Variants in DIABLO observed in about 807,000 individuals in gnomAD.
DIABLO encodes the protein diablo homolog, mitochondrial.
A neutral mutation model predicts 31.7 loss-of-function variants in DIABLO; 32 were observed. The observed-to-expected ratio is 1.01, with a 90% CI of 0.76 to 1.35. The LOEUF is 1.35. Among genes scored for constraint, DIABLO ranks in the 40% most tolerant of loss-of-function variants. The probability of loss-of-function intolerance (pLI) is 0.00; values close to 1 mark genes in which losing one functional copy is unlikely to be tolerated. For synonymous variants in DIABLO, 132 were observed against 103.2 expected (o/e 1.28, Z -1.69); for missense variants, 316 against 286.4 (o/e 1.10, Z -0.75).
chr12:122,218,529 G>T (rs557085112), intron 2 of DIABLO, 132 bp from the exon 3 acceptor site: 3 of 1,220,706 alleles, frequency 2.5e-6, no homozygotes, highest in Non-Finnish European at 3.5e-6. Flanking sequence ...ATTTCTTTGG[G>T]TTATATTTTT....
In DIABLO at chr12:122,218,145, A is replaced by G; in HGVS notation, c.315+121T>C. The G allele has an allele frequency of 2.4e-6, 3 of 1,242,380 alleles. No homozygotes were observed. The South Asian group carries it at 3.8e-5, about 16-fold the overall frequency. The allele number at this position is 1,242,380 out of a possible 1,614,324, so 77.0% of individuals were successfully genotyped here. A position where few individuals can be genotyped will look rare whatever the true frequency, so the allele number is the denominator to read the frequency against. On this transcript the variant is annotated intron_variant, in intron 3 of 5. Transcript: ENST00000464942. ...TCAAAAACCGTTATTGACAACACATAAACAAATAGGCCTGGCTATGTTTCA... is the reference window on the plus strand; with the variant it reads ...TCAAAAACCGTTATTGACAACACATGAACAAATAGGCCTGGCTATGTTTCA...
Position 122,218,285 on chromosome 12 carries a change from G to C in DIABLO, c.296C>G (p.Ala99Gly), listed in dbSNP as rs757142709. The C allele has an allele frequency of 6.2e-7, 1 of 1,614,074 alleles. No individual in the cohort carries two copies. Among genetic ancestry groups the C allele is most frequent in the South Asian group, 1.1e-5 (1 of 91,082 alleles). ...LSQTTYALIE[A>G]ITEYTKAVYT... ...ACATACCTTAGTATATTCAGTAATA[G>C]CTTCAATCAACGCATATGTGGTCTG... The change falls in exon 3 of 6, where the codon GCT (alanine) becomes GGT (glycine). Residue 99 changes from alanine to glycine, a missense_variant. By Grantham distance (60) the Ala-to-Gly change is moderately conservative. Transcript: ENST00000464942.
At chr12:122,217,638 T>C in intron 3 of DIABLO, 1 of 155,280 alleles carries the variant, frequency 6.4e-6, no homozygotes, top group Non-Finnish European at 1.4e-5. Flanking sequence ...CCTCAGCCCC[T>C]GGAGTAACTG....
chr12:122,224,722 A>T lies in DIABLO; in HGVS notation c.51-78T>A, dbSNP rs554381914. The T allele has an allele frequency of 6.1e-5, 98 of 1,612,908 alleles. 1 individual carries two copies. Among genetic ancestry groups the T allele is most frequent in the Non-Finnish European group, 7.2e-5 (85 of 1,179,578 alleles). ...TCTTGGATTTACTTGCAGGGGCTGT[A>T]AACTCAAACTCGAGCCAAGCAGGAA... On this transcript the variant is annotated intron_variant, in intron 1 of 5. Transcript: ENST00000464942.
upstream of DIABLO, chr12:122,226,232 G>C: frequency 1.3e-6 from 1 of 779,898 alleles, no homozygotes; most frequent in Non-Finnish European, 2.2e-6. Context: ...CTTCCGCGCG[G>C]GGCGGGGCAT....
At chr12:122,225,691 C>G in intron 1 of DIABLO, 1 of 1,398,326 alleles carries the variant, frequency 7.2e-7, no homozygotes, top group Non-Finnish European at 9.3e-7. Context: ...CTGACGAGGG[C>G]TGGTCAGGAG....
chr12:122,226,457 C>A, upstream of DIABLO: 1 of 695,896 alleles, frequency 1.4e-6, no homozygotes. Context: ...AGTAAGTGGT[C>A]CAGCCGGCCA....
At chr12:122,218,784 A>C in intron 2 of DIABLO, 1 of 294,220 alleles carries the variant, frequency 3.4e-6, no homozygotes, top group Non-Finnish European at 6.6e-6. Flanking sequence ...TACTAAAAAA[A>C]TACAAAAATT....
intron 5 of DIABLO, among the ~76,000 whole-genome samples, chr12:122,213,673 C>G (rs1954139445): frequency 6.6e-6 from 1 of 152,076 alleles, no homozygotes; most frequent in South Asian, 2.1e-4. Context: ...TTCACTGCAC[C>G]TAGAAATCCT....
At chr12:122,219,162 G>A (rs1235654822) in intron 2 of DIABLO, among the ~76,000 whole-genome samples, 1 of 151,992 alleles carries the variant, frequency 6.6e-6, no homozygotes, top group Non-Finnish European at 1.5e-5. Context: ...GAACCCAGGA[G>A]GCAGAGGTTG....
chr12:122,211,340 G>A (rs1368159624), intron 5 of DIABLO, among the ~76,000 whole-genome samples: 2 of 151,920 alleles, frequency 1.3e-5, no homozygotes, highest in Non-Finnish European at 2.9e-5. Flanking sequence ...CAGAAGTAAC[G>A]GTGAGCCAAG....
At chr12:122,222,543 C>G (rs1355231962) in intron 2 of DIABLO, 3 of 146,440 alleles carry the variant, frequency 2.0e-5, no homozygotes, top group Non-Finnish European at 4.4e-5. Flanking sequence ...GCAGAGCTTC[C>G]TGGGCAACAG....
At chr12:122,223,424 C>CTCTG (rs934792393) in intron 2 of DIABLO, among the ~76,000 whole-genome samples, 8 of 145,200 alleles carry the variant, frequency 5.5e-5, no homozygotes, top group Admixed American at 2.1e-4. Context: ...CAGAGTGAGA[C>CTCTG]TCTGTCTTTA....
intron 3 of DIABLO, among the ~76,000 whole-genome samples, chr12:122,217,981 A>G (rs1954252217): frequency 3.6e-5 from 2 of 55,796 alleles, no homozygotes; most frequent in Admixed American, 2.9e-4. Context: ...TTTTTCTGTA[A>G]AAAAAAAAAA....
At chr12:122,214,473 T>G (rs968021023) in intron 5 of DIABLO, among the ~76,000 whole-genome samples, 1 of 152,214 alleles carries the variant, frequency 6.6e-6, no homozygotes, top group Non-Finnish European at 1.5e-5. Flanking sequence ...TTGCCTAGGA[T>G]GGAGTGCACA....
At chr12:122,212,311 G>T (rs923121813) in intron 5 of DIABLO, among the ~76,000 whole-genome samples, 47 of 151,880 alleles carry the variant, frequency 3.1e-4, no homozygotes, top group African/African-American at 1.0e-3. Context: ...TTTACACTCA[G>T]AACTTTTGAA....
At chr12:122,225,537 CA>C in intron 1 of DIABLO, 1 of 1,098,770 alleles carries the variant, frequency 9.1e-7, no homozygotes, top group African/African-American at 1.7e-5. Context: ...CAGGAGCCTG[CA>C]GCGCTAGGTA....
intron 1 of DIABLO, chr12:122,225,042 A>C (rs2136109392): frequency 5.4e-6 from 2 of 368,082 alleles, no homozygotes; most frequent in Non-Finnish European, 5.1e-6. Flanking sequence ...GTGAAACCCC[A>C]TCTCTACTTA....
At chr12:122,224,794 A>G in intron 1 of DIABLO, 150 bp from the exon 2 acceptor site, 1 of 1,554,874 alleles carries the variant, frequency 6.4e-7, no homozygotes, top group East Asian at 2.4e-5. Context: ...AATTTTCAAC[A>G]TACACCAAGT....
Sources: gnomAD v4.1 joint callset for allele counts (sites outside exome capture counted in the v4.1 genomes callset) on GRCh38, gnomAD v4.1.1 for gene constraint, MANE v1.5 for transcripts, NCBI Gene and HGNC (gene_info 2026-07-23, HGNC 2026-07-21) for gene names.